Variants in LSG1 observed in about 807,000 individuals in gnomAD.
The protein encoded by LSG1 is large subunit GTPase 1 homolog.
LSG1 carries 55 observed loss-of-function variants against 82.6 expected under a neutral mutation model. The observed-to-expected ratio is 0.67, with a 90% CI of 0.54 to 0.83. The LOEUF (loss-of-function observed/expected upper bound fraction) is 0.83, where lower values mean the gene tolerates loss of function less well. LSG1 is among the 40% of genes least tolerant of loss of function. The pLI, the probability that LSG1 is intolerant of heterozygous loss-of-function variation, is 0.00. For synonymous variants in LSG1, 272 were observed against 282.5 expected (o/e 0.96, Z 0.37); for missense variants, 809 against 807.9 (o/e 1.00, Z -0.02).
chr3:194,644,729 G>A lies in LSG1; in HGVS notation c.1641C>T (p.Cys547=). 6.2e-7 allele frequency: 1 copy of A among 1,605,280 alleles called. No individual in the cohort carries two copies. Among genetic ancestry groups the A allele is most frequent in the Non-Finnish European group, 8.5e-7 (1 of 1,175,212 alleles). ...CAGGATCTCTTCCAGGAGGAGGATG[G>A]CAGTACAGCAGCTTACCCTACAAAG... ...KDYVSGKLLY[C]HPPPGRDPVT... is the part of the protein sequence containing the mutation. Residue 547 remains cysteine (C), a synonymous_variant, in exon 13 of 14, where the codon TGC becomes TGT. Transcript: ENST00000265245.
At position 194,648,358 on chromosome 3, in the gene LSG1, C is replaced by T. The variant is rs539742515; in HGVS notation, c.1543+323G>A. On this transcript the variant is annotated intron_variant, in intron 11 of 13. Transcript: ENST00000265245. The stretch of plus-strand genomic sequence containing the variant: ...TCCTAACTCTCCTGCCTCGCTGTGG[C>T]GTGCGGATTCATTTTCTTCCACACA... 1.0e-3 allele frequency among the ~76,000 whole-genome samples: 156 copies of T among 152,192 alleles called. 2 individuals carry two copies. Among genetic ancestry groups the T allele is most frequent in the African/African-American group, 3.5e-3 (144 of 41,540 alleles).
chr3:194,666,419 T>C, intron 3 of LSG1, 33 bp downstream of exon 3: 3 of 1,609,280 alleles, frequency 1.9e-6, no homozygotes, highest in Non-Finnish European at 2.5e-6. Context: ...GCCTCGGATG[T>C]TTTGTGGCAT....
intron 12 of LSG1, among the ~76,000 whole-genome samples, chr3:194,645,609 C>G (rs1408920797): frequency 2.4e-4 from 33 of 139,214 alleles, no homozygotes; most frequent in East Asian, 4.3e-4. Context: ...CACACACACA[C>G]ACACACACAC....
intron 7 of LSG1, among the ~76,000 whole-genome samples, chr3:194,657,458 G>GTTTTTTTTTTTT (rs58115258): frequency 2.2e-5 from 3 of 139,158 alleles, no homozygotes; most frequent in Non-Finnish European, 4.6e-5. Context: ...TGCTTAGTAA[G>GTTTTTTTTTTTT]TTTTTTTTTT....
At chr3:194,656,305 G>T (rs1442470716) in intron 7 of LSG1, among the ~76,000 whole-genome samples, 5 of 84,868 alleles carry the variant, frequency 5.9e-5, no homozygotes, top group Non-Finnish European at 1.2e-4. Flanking sequence ...AAATTTACAA[G>T]AAAAAAACAA....
chr3:194,653,632 G>T (rs1718731109), intron 7 of LSG1, among the ~76,000 whole-genome samples: 1 of 152,176 alleles, frequency 6.6e-6, no homozygotes, highest in Non-Finnish European at 1.5e-5. Flanking sequence ...CAACCATCGA[G>T]GGTGGCGCCC....
chr3:194,660,007 G>C (rs935598220), intron 6 of LSG1, 66 bp downstream of exon 6: 1 of 1,338,630 alleles, frequency 7.5e-7, no homozygotes, highest in African/African-American at 1.4e-5. Context: ...AGTCATTGCT[G>C]AGGGATGCGG....
chr3:194,646,218 A>C lies in LSG1; in HGVS notation c.1569T>G (p.His523Gln). The change falls in exon 12 of 14, where the codon CAT becomes CAG. Residue 523 changes from histidine (H) to glutamine (Q), a missense_variant. Transcript: ENST00000265245. Reference sequence around the variant, plus strand: ...CAGATCGAGGCTGGTCTGGCTGTCCATGCGCTGTCATGAATCCTCGCATGT... The same window carrying C: ...CAGATCGAGGCTGGTCTGGCTGTCCCTGCGCTGTCATGAATCCTCGCATGT... ...YGYMRGFMTA[H>Q]GQPDQPRSAR... is the part of the protein sequence containing the mutation. The C allele has an allele frequency of 6.2e-7, 1 of 1,614,128 alleles. No homozygotes were observed. The highest frequency in any genetic ancestry group is 8.5e-7 in the Non-Finnish European group (1 of 1,179,980).
In LSG1 at chr3:194,645,543, C is replaced by CACACACAGACAG. The variant is rs1718517890; in HGVS notation, c.1623+620_1623+621insCTGTCTGTGTGT. The CACACACAGACAG allele has an allele frequency of 7.7e-4, 35 of 45,348 alleles. 3 individuals carry two copies. Among genetic ancestry groups the CACACACAGACAG allele is most frequent in the South Asian group, 3.4e-3 (4 of 1,168 alleles). The allele number at this position is 45,348 out of a possible 1,614,324, so 2.8% of individuals were successfully genotyped here. A position where few individuals can be genotyped will look rare whatever the true frequency, so the allele number is the denominator to read the frequency against. Reference sequence around the variant, plus strand: ...ACACACACACACAGACAGACACACACACACACACACACACACACACACACA... The same window carrying CACACACAGACAG: ...ACACACACACACAGACAGACACACACACACACAGACAGACACACACACACACACACACACACA... On this transcript the variant is annotated intron_variant, in intron 12 of 13. Transcript: ENST00000265245.
intron 5 of LSG1, 121 bp downstream of exon 5, chr3:194,665,436 C>T: frequency 1.7e-6 from 1 of 585,500 alleles, no homozygotes; most frequent in Non-Finnish European, 3.0e-6. Flanking sequence ...TTTTATAATT[C>T]TCAGTAACCC....
intron 5 of LSG1, among the ~76,000 whole-genome samples, chr3:194,664,849 G>A (rs1718999950): frequency 6.6e-6 from 1 of 152,156 alleles, no homozygotes; most frequent in Non-Finnish European, 1.5e-5. Flanking sequence ...GAACCCAGGA[G>A]GCGGAGGTTG....
chr3:194,660,769 G>A (rs1410681122), intron 5 of LSG1: 3 of 419,508 alleles, frequency 7.2e-6, no homozygotes, highest in African/African-American at 4.1e-5. Flanking sequence ...AGCAGGAATG[G>A]CAAGTCCAAC....
rs561810913 is a variant in LSG1, at chr3:194,654,917, C to T, written c.760-1775G>A. Among the ~76,000 whole-genome samples, 4 of 152,258 alleles carry T rather than the reference C, an allele frequency of 2.6e-5. No individual in the cohort carries two copies. In the South Asian group the frequency reaches 6.2e-4, roughly 24 times the overall value. ...ATGTCACATTTTTTCAGAACATTCACGTTTTTCAAACAACTGAAGTTGAAC... is the reference window on the plus strand; with the variant it reads ...ATGTCACATTTTTTCAGAACATTCATGTTTTTCAAACAACTGAAGTTGAAC... On this transcript the variant is annotated intron_variant, in intron 7 of 13. Coordinates refer to ENST00000265245, the MANE Select transcript of LSG1 (RefSeq NM_018385.3).
chr3:194,655,165 T>C (rs963440365), intron 7 of LSG1, among the ~76,000 whole-genome samples: 2 of 152,170 alleles, frequency 1.3e-5, no homozygotes, highest in African/African-American at 4.8e-5. Context: ...CCATAAACTA[T>C]ACACTGTTAA....
intron 2 of LSG1, among the ~76,000 whole-genome samples, chr3:194,669,094 G>A (rs1017633630): frequency 6.6e-6 from 1 of 152,162 alleles, no homozygotes; most frequent in African/African-American, 2.4e-5. Context: ...GAGGCAGGAT[G>A]AATAAGTTCT....
chr3:194,655,845 C>A (rs937931316), intron 7 of LSG1, among the ~76,000 whole-genome samples: 46 of 152,174 alleles, frequency 3.0e-4, no homozygotes, highest in Non-Finnish European at 4.9e-4. Context: ...GAAATAATGC[C>A]ACACATCTAC....
At chr3:194,647,946 T>C (rs1718586949) in intron 11 of LSG1, among the ~76,000 whole-genome samples, 1 of 152,220 alleles carries the variant, frequency 6.6e-6, no homozygotes, top group South Asian at 2.1e-4. Context: ...GGTTTAAGTG[T>C]GATTCATATC....
rs377416930 is a variant in LSG1 at position 194,641,966 on chromosome 3, G to C, written c.*102C>G. Reference sequence around the variant, plus strand: ...GCCGTGCTCTGCAAGAGCAGGGCCCGTTCTACAGTGCTAGTGTCTTGGGAC... The same window carrying C: ...GCCGTGCTCTGCAAGAGCAGGGCCCCTTCTACAGTGCTAGTGTCTTGGGAC... On this transcript the variant is annotated 3_prime_UTR_variant, in exon 14 of 14. Coordinates refer to ENST00000265245, the MANE Select transcript of LSG1 (RefSeq NM_018385.3). 63 of 1,307,700 alleles carry C rather than the reference G, an allele frequency of 4.8e-5. No individual in the cohort carries two copies. The highest frequency in any genetic ancestry group is 5.8e-5 in the Non-Finnish European group (55 of 941,612). The allele number at this position is 1,307,700 out of a possible 1,614,324, so 81.0% of individuals were successfully genotyped here.
At chr3:194,643,593 C>T (rs1395813307) in intron 13 of LSG1, among the ~76,000 whole-genome samples, 1 of 152,164 alleles carries the variant, frequency 6.6e-6, no homozygotes, top group Non-Finnish European at 1.5e-5. Context: ...CCTCCTACAT[C>T]ACTGGGAGTA....
Sources: allele counts gnomAD v4.1 joint callset (sites outside exome capture counted in the v4.1 genomes callset), GRCh38; gene constraint gnomAD v4.1.1; transcripts MANE v1.5; gene names NCBI Gene and HGNC (gene_info 2026-07-23, HGNC 2026-07-21).